Variants in IAH1 observed in about 807,000 individuals in gnomAD.
The protein encoded by IAH1 is isoamyl acetate hydrolyzing esterase 1 (putative).
IAH1 carries 24 observed loss-of-function variants against 26.7 expected under a neutral mutation model. That is an observed-to-expected ratio of 0.90 (90% CI 0.65 to 1.26). The LOEUF is 1.26. IAH1 is among the 50% of genes most tolerant of loss of function. The probability of loss-of-function intolerance (pLI) is 0.00; values close to 1 mark genes in which losing one functional copy is unlikely to be tolerated. For synonymous variants in IAH1, 140 were observed against 118.5 expected (o/e 1.18, Z -1.18); for missense variants, 300 against 299.9 (o/e 1.00, Z 0.00).
At chr2:9,487,856 G>C (rs964909877) in intron 5 of IAH1, among the ~76,000 whole-genome samples, 10 of 151,138 alleles carry the variant, frequency 6.6e-5, no homozygotes, top group Admixed American at 6.6e-4. Flanking sequence ...GCGCGCTGTG[G>C]GGGGAGACAG....
rs1661170024 is a variant in IAH1 at position 9,481,475 on chromosome 2, A to C, written c.445+28A>C. The stretch of plus-strand genomic sequence containing the variant: ...AAACAAACCACAGCCAATCTCGGCA[A>C]ATCTGGATAGGAATGCTGAGGGAGG... On this transcript the variant is annotated intron_variant, in intron 4 of 5. Coordinates refer to ENST00000497473, the MANE Select transcript of IAH1 (RefSeq NM_001039613.3). 3.7e-6 allele frequency: 6 copies of C among 1,612,128 alleles called. No individual in the cohort carries two copies. In the East Asian group the frequency reaches 1.3e-4, roughly 36 times the overall value.
rs200057839 is a variant in IAH1 at position 9,479,793 on chromosome 2, T to C, written c.283+1423T>C. Reference sequence around the variant, plus strand: ...TGTGTGTGCGGAGATTTCTGTGTATTGCTTTTTTTTTTTTTTTTTTTTTTT... The same window carrying C: ...TGTGTGTGCGGAGATTTCTGTGTATCGCTTTTTTTTTTTTTTTTTTTTTTT... On this transcript the variant is annotated intron_variant, in intron 3 of 5. Coordinates refer to ENST00000497473, the MANE Select transcript of IAH1 (RefSeq NM_001039613.3). Among the ~76,000 whole-genome samples the C allele has an allele frequency of 3.9e-5, 5 of 128,270 alleles. No homozygotes were observed. In the East Asian group the frequency reaches 8.6e-4, roughly 22 times the overall value. The allele number at this position is 128,270 out of a possible 152,430, so 84.2% of individuals were successfully genotyped here.
chr2:9,506,254 G>C, the IAH1 span, among the ~76,000 whole-genome samples: 1 of 150,902 alleles, frequency 6.6e-6, no homozygotes, highest in East Asian at 2.0e-4. Context: ...AAAGGTGCCT[G>C]TAACCACCAA....
chr2:9,497,324 T>C (rs1005401734), downstream of IAH1: 6 of 1,571,740 alleles, frequency 3.8e-6, no homozygotes, highest in East Asian at 4.5e-5. Flanking sequence ...AATACGCTGT[T>C]TCTCATACAA....
At position 9,494,785 on chromosome 2, in the gene IAH1, CA is replaced by C. The variant is rs754520514; in HGVS notation, c.*148del. On this transcript the variant is annotated 3_prime_UTR_variant, in exon 6 of 7. Coordinates refer to the IAH1 transcript ENST00000481367. The stretch of plus-strand genomic sequence containing the variant: ...GTCAGTTTCTGGAACAGAGAACACG[CA>C]TTGACAGCTGGATTGTTCTGAGACC... The C allele has an allele frequency of 4.3e-6, 7 of 1,613,154 alleles. No individual in the cohort carries two copies. The highest frequency in any genetic ancestry group is 2.7e-5 in the African/African-American group (2 of 74,882).
At chr2:9,499,309 CTATTT>C (rs1314274078), downstream of IAH1, among the ~76,000 whole-genome samples, 1 of 152,058 alleles carries the variant, frequency 6.6e-6, no homozygotes, top group Non-Finnish European at 1.5e-5. Flanking sequence ...TTTTCTCAAT[CTATTT>C]TATTATTACA....
At chr2:9,490,705 T>C (rs1662062481), downstream of IAH1, among the ~76,000 whole-genome samples, 1 of 152,204 alleles carries the variant, frequency 6.6e-6, no homozygotes, top group African/African-American at 2.4e-5. Context: ...AAGTAATTAA[T>C]GCCATTACTT....
chr2:9,474,543 C>CGCCCT, upstream of IAH1: 2 of 1,400,504 alleles, frequency 1.4e-6, no homozygotes, highest in Non-Finnish European at 1.9e-6. The surrounding 1 kb of genome is among the most constrained non-coding windows in gnomAD (Gnocchi z 4.3). Flanking sequence ...CTGGCGGCCC[C>CGCCCT]GCCCCGCCCC....
the IAH1 span, among the ~76,000 whole-genome samples, chr2:9,504,455 A>G: frequency 6.7e-6 from 1 of 149,338 alleles, no homozygotes; most frequent in African/African-American, 2.5e-5. Context: ...AAATAAATAA[A>G]TAAATTAAAT....
intron 1 of IAH1, 196 bp from the exon 2 acceptor site, chr2:9,475,791 T>C: frequency 1.6e-6 from 1 of 610,842 alleles, no homozygotes; most frequent in Non-Finnish European, 2.9e-6. Flanking sequence ...TGTTTAGCTT[T>C]TGATAGAGAA....
chr2:9,476,422 G>T (rs1572829549), intron 2 of IAH1, among the ~76,000 whole-genome samples: 1 of 152,206 alleles, frequency 6.6e-6, no homozygotes, highest in Non-Finnish European at 1.5e-5. Flanking sequence ...GACTCACCTT[G>T]TCACAATTCT....
downstream of IAH1, among the ~76,000 whole-genome samples, chr2:9,499,276 T>TA (rs149562225): frequency 2.1e-3 from 325 of 152,318 alleles, 1 homozygote; most frequent in African/African-American, 7.5e-3. Flanking sequence ...TTGTTTTACT[T>TA]ACGTTTATTT....
downstream of IAH1, chr2:9,490,440 G>C (rs370064783): frequency 1.2e-6 from 2 of 1,614,054 alleles, no homozygotes; most frequent in Non-Finnish European, 1.7e-6. Flanking sequence ...GGCTGCAGGC[G>C]GCCTGGAGTC....
At chr2:9,509,406 A>T in the IAH1 span, among the ~76,000 whole-genome samples, 1 of 152,216 alleles carries the variant, frequency 6.6e-6, no homozygotes, top group Non-Finnish European at 1.5e-5. Flanking sequence ...TCTCTATCAG[A>T]AACCCCCAAT....
the IAH1 span, chr2:9,505,239 G>T: frequency 1.2e-6 from 2 of 1,614,100 alleles, no homozygotes; most frequent in Non-Finnish European, 1.7e-6. Flanking sequence ...ATGATGCCAG[G>T]ATCACACTCT....
intron 6 of IAH1, chr2:9,494,929 T>G: frequency 2.5e-6 from 2 of 803,038 alleles, no homozygotes; most frequent in Non-Finnish European, 3.7e-6. Flanking sequence ...AGGAGTAGTT[T>G]CTGAGGTCAC....
downstream of IAH1, chr2:9,497,350 T>A: frequency 6.7e-7 from 1 of 1,482,146 alleles, no homozygotes; most frequent in Non-Finnish European, 9.1e-7. Flanking sequence ...CATCTTACCT[T>A]GCAAAAGCAA....
chr2:9,509,495 T>C, the IAH1 span, among the ~76,000 whole-genome samples: 2 of 152,176 alleles, frequency 1.3e-5, no homozygotes, highest in Non-Finnish European at 2.9e-5. Flanking sequence ...GATAGAGCTA[T>C]GAATAAGATA....
chr2:9,500,588 AAACC>A (rs1450393599), downstream of IAH1, among the ~76,000 whole-genome samples: 4 of 152,362 alleles, frequency 2.6e-5, no homozygotes, highest in East Asian at 3.9e-4. Context: ...TTACAAAATC[AAACC>A]AACCAACCAA....
Sources: allele counts gnomAD v4.1 joint callset (sites outside exome capture counted in the v4.1 genomes callset), GRCh38; gene constraint gnomAD v4.1.1; non-coding constraint Gnocchi (gnomAD v3.1); transcripts MANE v1.5; gene names NCBI Gene and HGNC (gene_info 2026-07-23, HGNC 2026-07-21).